Variants in PLA1A observed in about 807,000 individuals in gnomAD.
The protein encoded by PLA1A is phospholipase A1 member A, also known as phosphatidylserine-specific phospholipase A1alpha.
Under a neutral mutation model 49.4 loss-of-function variants are expected in PLA1A, and 47 were observed. The ratio of observed to expected loss-of-function variants is 0.95; its 90% confidence interval spans 0.75 to 1.21. The LOEUF (loss-of-function observed/expected upper bound fraction) is 1.21. Ranked by LOEUF, PLA1A falls within the 50% of genes most tolerant of loss-of-function variation. The pLI is 0.00. For missense variants in PLA1A, 561 were observed against 563.9 expected, an observed-to-expected ratio of 0.99 and a Z score of 0.05; for synonymous variants, 224 against 207.9, an observed-to-expected ratio of 1.08 and a Z score of -0.67.
chr3:119,605,726 G>T (rs999453663), intron 1 of PLA1A, among the ~76,000 whole-genome samples: 2 of 152,248 alleles, frequency 1.3e-5, no homozygotes, highest in Admixed American at 6.5e-5. Flanking sequence ...GGGGATCGGG[G>T]TGTGATGCTG....
chr3:119,611,221 C>T (rs931197625), intron 4 of PLA1A, among the ~76,000 whole-genome samples: 13 of 152,024 alleles, frequency 8.6e-5, no homozygotes, highest in African/African-American at 2.7e-4. Flanking sequence ...TTACTGTAGG[C>T]TTGTAGTATA....
chr3:119,620,040 C>T (rs1042678453), intron 8 of PLA1A: 1 of 461,140 alleles, frequency 2.2e-6, no homozygotes, highest in East Asian at 6.8e-5. Context: ...CTGGGGAATA[C>T]TGAACCTTTC....
chr3:119,612,682 G>A (rs2082784913), intron 4 of PLA1A, among the ~76,000 whole-genome samples: 1 of 152,120 alleles, frequency 6.6e-6, no homozygotes, highest in African/African-American at 2.4e-5. Context: ...TAGAGACGGG[G>A]TTGCACCATG....
intron 1 of PLA1A, among the ~76,000 whole-genome samples, chr3:119,599,862 C>A (rs1475216713): frequency 6.6e-6 from 1 of 152,204 alleles, no homozygotes; most frequent in Admixed American, 6.5e-5. Context: ...GAGTGTTTCA[C>A]TGTCAACAGC....
chr3:119,623,717 CTTTTTTTTTTT>C (rs35309675), intron 8 of PLA1A, among the ~76,000 whole-genome samples: 3 of 101,492 alleles, frequency 3.0e-5, no homozygotes, highest in Non-Finnish European at 5.6e-5. Context: ...TTCTCTCTTT[CTTTTTTTTTTT>C]TTTTTTTTTT....
In PLA1A at chr3:119,619,549, T is replaced by C; in HGVS notation, c.923-14T>C. 1 of 1,601,472 alleles carries C rather than the reference T, an allele frequency of 6.2e-7. No homozygotes were observed. The highest frequency in any genetic ancestry group is 1.3e-5 in the African/African-American group (1 of 74,762). On this transcript the variant is annotated splice_polypyrimidine_tract_variant and intron_variant, in intron 7 of 10. Coordinates refer to ENST00000273371, the MANE Select transcript of PLA1A (RefSeq NM_015900.4). ...CTTCTCAGGACTCTGCTGTCTTTGC[T>C]TCTTTATTTCCAGGACTGGTGGAAC... is the stretch of plus-strand genomic sequence containing the variant.
chr3:119,625,552 G>A lies in PLA1A; in HGVS notation c.1121+320G>A, dbSNP rs139767052. Among the ~76,000 whole-genome samples, 212 of 152,310 alleles carry A rather than the reference G, an allele frequency of 1.4e-3. 1 individual carries two copies. Among genetic ancestry groups the A allele is most frequent in the African/African-American group, 4.9e-3 (202 of 41,552 alleles). ...CAGTACTCTGGAATCCAGACAGTGCGGGTATCAGGGATGTCAGTAGGGAGG... is the reference window on the plus strand; with the variant it reads ...CAGTACTCTGGAATCCAGACAGTGCAGGTATCAGGGATGTCAGTAGGGAGG... On this transcript the variant is annotated intron_variant, in intron 9 of 10. Coordinates refer to ENST00000273371, the MANE Select transcript of PLA1A (RefSeq NM_015900.4).
intron 9 of PLA1A, among the ~76,000 whole-genome samples, chr3:119,625,659 C>G (rs2052516082): frequency 6.6e-6 from 1 of 152,194 alleles, no homozygotes; most frequent in South Asian, 2.1e-4. Context: ...AGTTCTGGGT[C>G]AGTTACCAGA....
At chr3:119,609,701 A>G (rs2082739614) in intron 4 of PLA1A, 125 bp downstream of exon 4, 1 of 531,064 alleles carries the variant, frequency 1.9e-6, no homozygotes, top group African/African-American at 2.0e-5. Context: ...GTCACCTATT[A>G]CCACTAAAAT....
At chr3:119,618,313 G>A in intron 7 of PLA1A, 127 bp downstream of exon 7, 1 of 816,288 alleles carries the variant, frequency 1.2e-6, no homozygotes, top group South Asian at 1.7e-5. Flanking sequence ...AGAAAATTAA[G>A]CAATGAGGTG....
At chr3:119,610,325 C>T (rs1342431510) in intron 4 of PLA1A, among the ~76,000 whole-genome samples, 1 of 151,910 alleles carries the variant, frequency 6.6e-6, no homozygotes, top group Admixed American at 6.6e-5. Flanking sequence ...ATTTCTTTTC[C>T]TTTGGGTATA....
At chr3:119,612,777 C>T (rs935897760) in intron 4 of PLA1A, among the ~76,000 whole-genome samples, 17 of 152,088 alleles carry the variant, frequency 1.1e-4, no homozygotes, top group African/African-American at 3.1e-4. Flanking sequence ...CGTGAGTCAC[C>T]GCGCCCAGCC....
intron 5 of PLA1A, 56 bp from the exon 6 acceptor site, chr3:119,615,956 C>T (rs991607121): frequency 4.8e-5 from 54 of 1,136,356 alleles, no homozygotes; most frequent in Non-Finnish European, 6.2e-5. Flanking sequence ...GTTTGAGGTC[C>T]GCTGTGAGCC....
Position 119,625,104 on chromosome 3 carries a change from G to A in PLA1A, c.1013-20G>A. 3 of 1,528,106 alleles carry A rather than the reference G, an allele frequency of 2.0e-6. No individual in the cohort carries two copies. Among genetic ancestry groups the A allele is most frequent in the South Asian group, 2.2e-5 (2 of 89,226 alleles). 94.7% of individuals were successfully genotyped at this position (1,528,106 alleles called of 1,614,324 possible). ...ACCTTCTGCCCTCTGGCCAGTCTCT[G>A]TTGTGCTTTGGTTTCCTAGTGCATC... On this transcript the variant is annotated intron_variant, in intron 8 of 10. Transcript: ENST00000273371.
At chr3:119,609,655 C>A in intron 4 of PLA1A, 79 bp downstream of exon 4, 1 of 762,164 alleles carries the variant, frequency 1.3e-6, no homozygotes, top group Non-Finnish European at 2.3e-6. Context: ...CTAAAGCAAG[C>A]AGAGGGGAGT....
intron 1 of PLA1A, among the ~76,000 whole-genome samples, chr3:119,605,206 GCTT>G (rs2082669916): frequency 6.6e-6 from 1 of 152,240 alleles, no homozygotes; most frequent in Non-Finnish European, 1.5e-5. Context: ...AGGCTGAAGA[GCTT>G]AGGGCCGGCA....
chr3:119,615,830 AAAAAG>A (rs1560083172), intron 5 of PLA1A, among the ~76,000 whole-genome samples, 177 bp from the exon 6 acceptor site: 12 of 142,392 alleles, frequency 8.4e-5, no homozygotes, highest in African/African-American at 3.6e-4. Context: ...CTCAGAAAAA[AAAAAG>A]AAAAAGAAAA....
chr3:119,600,301 A>G (rs2082600358), intron 1 of PLA1A: 2 of 688,152 alleles, frequency 2.9e-6, no homozygotes, highest in Non-Finnish European at 5.3e-6. Context: ...TGGACTGTGG[A>G]GCTTTAGATT....
At chr3:119,620,633 A>G (rs563598597) in intron 8 of PLA1A, among the ~76,000 whole-genome samples, 1 of 152,366 alleles carries the variant, frequency 6.6e-6, no homozygotes, top group Non-Finnish European at 1.5e-5. Flanking sequence ...AAAATGGTGC[A>G]CAGGAGATCA....
Sources: allele counts gnomAD v4.1 joint callset (sites outside exome capture counted in the v4.1 genomes callset), GRCh38; gene constraint gnomAD v4.1.1; transcripts MANE v1.5; gene names NCBI Gene and HGNC (gene_info 2026-07-23, HGNC 2026-07-21).